The following POLR1D variants were observed in gnomAD, a reference collection of about 807,000 sequenced individuals.
POLR1D encodes RNA polymerase I and III subunit D.
POLR1D carries 8 observed loss-of-function variants against 10.8 expected under a neutral mutation model. The ratio of observed to expected loss-of-function variants is 0.74; its 90% CI spans 0.43 to 1.33. POLR1D has a LOEUF of 1.33. Among genes scored for constraint, POLR1D ranks in the 40% most tolerant of loss-of-function variants. POLR1D has a pLI of 0.01. For synonymous variants in POLR1D, 54 were observed against 57.2 expected (o/e 0.94, Z 0.25); for missense variants, 152 against 161.7 (o/e 0.94, Z 0.32).
intron 1 of POLR1D, among the ~76,000 whole-genome samples, chr13:27,634,818 G>T (rs969226715): frequency 6.6e-6 from 1 of 151,904 alleles, no homozygotes; most frequent in Non-Finnish European, 1.5e-5. Context: ...TGGGACCATA[G>T]GTTCAAGCCA....
intron 2 of POLR1D, chr13:27,665,490 C>T (rs918656125): frequency 3.3e-6 from 2 of 610,636 alleles, no homozygotes; most frequent in South Asian, 4.0e-5. Context: ...AGTCTTGTCT[C>T]AAGAATTCCA....
downstream of POLR1D, among the ~76,000 whole-genome samples, chr13:27,625,674 A>G (rs889077991): frequency 4.6e-5 from 7 of 151,704 alleles, no homozygotes; most frequent in African/African-American, 1.7e-4. Flanking sequence ...AAAAAAAAAT[A>G]GAGGGTGACA....
Position 27,665,506 on chromosome 13 carries a change from C to CT in POLR1D, c.102-171dup, listed in dbSNP as rs112658365. On this transcript the variant is annotated intron_variant, in intron 2 of 2. Coordinates refer to the POLR1D transcript ENST00000399697. Reference sequence around the variant, plus strand: ...GTCTTGTCTCAAGAATTCCAATCGTCTTTTTTTTTCCTCCCTGGTACTCAG... The same window carrying CT: ...GTCTTGTCTCAAGAATTCCAATCGTCTTTTTTTTTTCCTCCCTGGTACTCAG... 600 of 612,792 alleles carry CT rather than the reference C, an allele frequency of 9.8e-4. 1 individual carries two copies. The highest frequency in any genetic ancestry group is 1.9e-3 in the East Asian group (67 of 35,254). The allele number at this position is 612,792 out of a possible 1,614,324, so 38.0% of individuals were successfully genotyped here.
chr13:27,627,839 G>C (rs567666105), downstream of POLR1D, among the ~76,000 whole-genome samples: 86 of 146,402 alleles, frequency 5.9e-4, no homozygotes, highest in Non-Finnish European at 1.1e-3. Context: ...CAGGTATAAT[G>C]TAAGGAGGGC....
chr13:27,644,637 T>C (rs1212159453), intron 1 of POLR1D, among the ~76,000 whole-genome samples: 5 of 152,220 alleles, frequency 3.3e-5, no homozygotes, highest in Non-Finnish European at 7.3e-5. Context: ...ATATAATTAA[T>C]TAGTTTTACA....
chr13:27,643,483 G>T (rs911779544), intron 1 of POLR1D, among the ~76,000 whole-genome samples: 1 of 152,102 alleles, frequency 6.6e-6, no homozygotes, highest in African/African-American at 2.4e-5. Flanking sequence ...AAGTCATAAA[G>T]AACCCAAACT....
intron 2 of POLR1D, among the ~76,000 whole-genome samples, chr13:27,659,019 A>C (rs111527051): frequency 3.8e-4 from 58 of 152,328 alleles, no homozygotes; most frequent in African/African-American, 1.4e-3. Context: ...AATTGTTTTA[A>C]GGGGAATGAC....
At chr13:27,638,880 C>G (rs992541965) in intron 1 of POLR1D, among the ~76,000 whole-genome samples, 1 of 151,914 alleles carries the variant, frequency 6.6e-6, no homozygotes, top group Admixed American at 6.6e-5. Context: ...AACAGTACAC[C>G]TACCAAACTT....
chr13:27,655,919 CTG>C (rs1272472732), intron 2 of POLR1D, among the ~76,000 whole-genome samples: 1 of 152,000 alleles, frequency 6.6e-6, no homozygotes, highest in African/African-American at 2.4e-5. Flanking sequence ...TATGAACTAA[CTG>C]TGTGGAAAAA....
intron 1 of POLR1D, among the ~76,000 whole-genome samples, chr13:27,640,254 C>A (rs1348096714): frequency 6.6e-6 from 1 of 152,046 alleles, no homozygotes; most frequent in Non-Finnish European, 1.5e-5. Context: ...TATATAGATG[C>A]CTCTGTCAGT....
In POLR1D at chr13:27,622,046, G is replaced by A. The variant is rs539572178; in HGVS notation, c.26+37G>A. The A allele has an allele frequency of 1.8e-5, 28 of 1,557,190 alleles. No individual in the cohort carries two copies. The East Asian group carries it at 6.3e-4, about 35-fold the overall frequency. Reference sequence around the variant, plus strand: ...GGAGGAGGCGGGCGGAGCGGGCCGCGCCCAAGGGGAGCGGGTGGCCGAGGG... The same window carrying A: ...GGAGGAGGCGGGCGGAGCGGGCCGCACCCAAGGGGAGCGGGTGGCCGAGGG... On this transcript the variant is annotated intron_variant, in intron 1 of 1. Coordinates refer to ENST00000302979, the MANE Select transcript of POLR1D (RefSeq NM_015972.4).
At chr13:27,621,875 G>T (rs1256736135), upstream of POLR1D, 1 of 1,176,696 alleles carries the variant, frequency 8.5e-7, no homozygotes, top group Non-Finnish European at 1.2e-6. Context: ...CGTCCTCCGC[G>T]CCTTCCGTCG....
intron 2 of POLR1D, among the ~76,000 whole-genome samples, chr13:27,664,059 A>C (rs982044534): frequency 6.6e-6 from 1 of 152,138 alleles, no homozygotes; most frequent in Non-Finnish European, 1.5e-5. Flanking sequence ...TTGCAACTGC[A>C]GTGGGTCAAG....
At chr13:27,658,048 G>A (rs897188324) in intron 2 of POLR1D, among the ~76,000 whole-genome samples, 5 of 152,158 alleles carry the variant, frequency 3.3e-5, no homozygotes, top group Admixed American at 6.5e-5. Flanking sequence ...ATAAGTGTAT[G>A]TGAGAAACTT....
chr13:27,636,572 C>T (rs533353589), intron 1 of POLR1D, among the ~76,000 whole-genome samples: 2 of 152,266 alleles, frequency 1.3e-5, no homozygotes, highest in African/African-American at 4.8e-5. Context: ...CAAGCAAACG[C>T]TAAGAGAGAA....
intron 1 of POLR1D, among the ~76,000 whole-genome samples, chr13:27,640,199 A>G (rs898685417): frequency 6.6e-6 from 1 of 152,170 alleles, no homozygotes; most frequent in Non-Finnish European, 1.5e-5. Flanking sequence ...TCAAAGGAGA[A>G]TTGCCTGGAC....
intron 2 of POLR1D, among the ~76,000 whole-genome samples, chr13:27,653,190 G>A (rs144492495): frequency 0.012 from 1,878 of 152,090 alleles, 21 homozygotes; most frequent in Middle Eastern, 0.065. Context: ...GTGAGCCACC[G>A]TGCCCGGCCT....
chr13:27,624,708 G>C (rs555709272), downstream of POLR1D, among the ~76,000 whole-genome samples: 4 of 152,162 alleles, frequency 2.6e-5, no homozygotes, highest in Non-Finnish European at 5.9e-5. Context: ...GCAACATGGG[G>C]AGTCCCTGTC....
chr13:27,625,377 G>A (rs113050886), downstream of POLR1D, among the ~76,000 whole-genome samples: 5 of 152,240 alleles, frequency 3.3e-5, no homozygotes, highest in African/African-American at 1.2e-4. Flanking sequence ...GAGAAGGTAG[G>A]TTTGAGGTAT....
Sources: gnomAD v4.1 joint callset for allele counts (sites outside exome capture counted in the v4.1 genomes callset) on GRCh38, gnomAD v4.1.1 for gene constraint, MANE v1.5 for transcripts, NCBI Gene and HGNC (gene_info 2026-07-23, HGNC 2026-07-21) for gene names.